CPNE2: variants seen among roughly 807,000 people sequenced by gnomAD.
CPNE2 encodes copine 2, also known as copine-2.
CPNE2 carries 42 observed loss-of-function variants against 69.7 expected under a neutral mutation model. The ratio of observed to expected loss-of-function variants is 0.60; its 90% CI spans 0.47 to 0.78. The LOEUF is 0.78. CPNE2 is among the 30% of genes least tolerant of loss of function. CPNE2 has a pLI of 0.00. For synonymous variants in CPNE2, 294 were observed against 289.8 expected, an observed-to-expected ratio of 1.01 and a Z score of -0.15; for missense variants, 587 against 732.0, an observed-to-expected ratio of 0.80 and a Z score of 2.29.
chr16:57,135,184 G>A (rs1380379860), intron 13 of CPNE2, among the ~76,000 whole-genome samples: 2 of 152,178 alleles, frequency 1.3e-5, no homozygotes, highest in African/African-American at 4.8e-5. Context: ...CCAGGAGGAG[G>A]TGAGGGTGGC....
chr16:57,145,349 A>C (rs1283825232), intron 14 of CPNE2, among the ~76,000 whole-genome samples: 1 of 152,224 alleles, frequency 6.6e-6, no homozygotes. Flanking sequence ...TGCAGTTCAT[A>C]GAATTGAAAG....
chr16:57,117,513 G>C lies in CPNE2; in HGVS notation c.453G>C (p.Leu151=), dbSNP rs765265835. The C allele has an allele frequency of 1.2e-6, 2 of 1,613,798 alleles. No individual in the cohort carries two copies. The highest frequency in any genetic ancestry group is 2.7e-5 in the African/African-American group (2 of 74,916). The change falls in exon 5 of 16, where the codon CTG becomes CTC. Residue 151 remains leucine (L), a synonymous_variant. Coordinates refer to ENST00000290776, the MANE Select transcript of CPNE2 (RefSeq NM_152727.6). ...KGLITIAAQE[L]SDNRVITLSL... ...CCTTACAGATCGCTGCCCAGGAGCT[G>C]TCCGACAACCGCGTCATCACACTAA...
rs759412271 is a variant in CPNE2, at chr16:57,146,253, C to T, written c.1471C>T (p.Arg491Cys). 8.3e-6 allele frequency: 13 copies of T among 1,557,806 alleles called. No homozygotes were observed. The highest frequency in any genetic ancestry group is 4.8e-5 in the East Asian group (2 of 41,486). ...EFLDGDSRML[R>C]SHTGEEAARD... Reference sequence around the variant, plus strand: ...CCTGGATGGGGACAGCCGCATGCTGCGCTCCCACACGGGGGAGGAGGCAGC... The same window carrying T: ...CCTGGATGGGGACAGCCGCATGCTGTGCTCCCACACGGGGGAGGAGGCAGC... The change falls in exon 15 of 16, where the codon CGC (arginine) becomes TGC (cysteine). Residue 491 changes from arginine (R) to cysteine (C), a missense_variant. Coordinates refer to ENST00000290776, the MANE Select transcript of CPNE2 (RefSeq NM_152727.6). This position sits in a 1 kb window ranked among gnomAD's most constrained non-coding sequence, Gnocchi z 4.4.
At chr16:57,141,291 G>A (rs1174265764) in intron 14 of CPNE2, 2 of 152,280 alleles carry the variant, frequency 1.3e-5, no homozygotes, top group Admixed American at 1.3e-4. Context: ...TCCCCAGAGG[G>A]AAGAAGCAGA....
chr16:57,127,983 G>C, intron 12 of CPNE2, 80 bp downstream of exon 12: 1 of 1,457,596 alleles, frequency 6.9e-7, no homozygotes, highest in Non-Finnish European at 9.6e-7. Context: ...GCTCTGGAAA[G>C]GTCTTGGGCT....
chr16:57,100,333 G>T (rs1023464168), intron 1 of CPNE2, among the ~76,000 whole-genome samples: 1 of 152,250 alleles, frequency 6.6e-6, no homozygotes, highest in Non-Finnish European at 1.5e-5. Flanking sequence ...CTGAAACTGT[G>T]TGTGGCAAAC....
chr16:57,121,678 A>C lies in CPNE2; in HGVS notation c.785A>C (p.Glu262Ala). 1 of 1,614,030 alleles carries C rather than the reference A, an allele frequency of 6.2e-7. No homozygotes were observed. The highest frequency in any genetic ancestry group is 1.6e-4 in the Middle Eastern group (1 of 6,062). ...TCTTTCTTTTGCGTTGCCCAGCTGG[A>C]GTTCGAGTGCATCAACCCCAAGAAG... is the stretch of plus-strand genomic sequence containing the variant. ...MCEARDSVPL[E>A]FECINPKKQR... Residue 262 changes from glutamate (E) to alanine (A), a missense_variant, in exon 9 of 16, where the codon GAG becomes GCG. By Grantham distance (107) the Glu-to-Ala change is moderately radical. Around this residue, in one of 5 missense-constraint regions of CPNE2, gnomAD observed 269 missense variants for 300.5 expected, o/e 0.90. Coordinates refer to ENST00000290776, the MANE Select transcript of CPNE2 (RefSeq NM_152727.6).
rs373362271 is a variant in CPNE2, at chr16:57,121,074, C to T, written c.682-19C>T. ...TCTTGGGGGACAGCTCTGGGGTGAC[C>T]GTGCTGAACCCACCCCAGGTCATGT... On this transcript the variant is annotated intron_variant, in intron 7 of 15. Transcript: ENST00000290776. 820 of 1,598,762 alleles carry T rather than the reference C, an allele frequency of 5.1e-4. No individual in the cohort carries two copies. The highest frequency in any genetic ancestry group is 6.6e-4 in the Non-Finnish European group (775 of 1,168,672).
intron 9 of CPNE2, among the ~76,000 whole-genome samples, chr16:57,122,808 G>A (rs1422955275): frequency 6.6e-6 from 1 of 151,868 alleles, no homozygotes; most frequent in Non-Finnish European, 1.5e-5. Flanking sequence ...GACCAGGCTG[G>A]TCTTGAACTC....
intron 10 of CPNE2, 182 bp downstream of exon 10, chr16:57,123,655 G>A (rs2069779435): frequency 1.6e-6 from 1 of 636,434 alleles, no homozygotes. Flanking sequence ...CCTGCTGGGT[G>A]TGCCTGAGTT....
In CPNE2 at chr16:57,125,890, A is replaced by G. The variant is rs990803257; in HGVS notation, c.958A>G (p.Asn320Asp). 1.2e-5 allele frequency: 19 copies of G among 1,614,036 alleles called. No homozygotes were observed. Among genetic ancestry groups the G allele is most frequent in the Admixed American group, 1.0e-4 (6 of 60,002 alleles). ...AATAGACTTTACAGCCTCCAACGGG[A>G]ATCCCCTCGACCCTTCCTCTTTGCA... ...VGIDFTASNG[N>D]PLDPSSLHYI... Residue 320 changes from asparagine (N) to aspartate (D), a missense_variant, in exon 11 of 16, where the codon AAT (asparagine) becomes GAT (aspartate). By Grantham distance (23) the Asn-to-Asp change is conservative. Transcript: ENST00000290776.
intron 1 of CPNE2, among the ~76,000 whole-genome samples, chr16:57,101,892 A>G (rs4784763): frequency 0.069 from 10,470 of 151,094 alleles, 620 homozygotes; most frequent in African/African-American, 0.14. Flanking sequence ...TACGGGCACC[A>G]CTCTAGGCCT....
At chr16:57,131,192 G>A (rs546083796) in intron 12 of CPNE2, among the ~76,000 whole-genome samples, 3 of 152,376 alleles carry the variant, frequency 2.0e-5, no homozygotes, top group Non-Finnish European at 2.9e-5. Flanking sequence ...CTCCCCATGA[G>A]AAGCCTGTGG....
At chr16:57,119,905 C>A (rs2069749122) in intron 7 of CPNE2, among the ~76,000 whole-genome samples, 1 of 152,212 alleles carries the variant, frequency 6.6e-6, no homozygotes. Flanking sequence ...TGCAGAGCTG[C>A]TAGCTAGGGA....
Position 57,121,137 on chromosome 16 carries a change from C to T in CPNE2, c.726C>T (p.Ile242=), listed in dbSNP as rs144170145. Residue 242 remains isoleucine (I), a synonymous_variant, in exon 8 of 16, where the codon ATC becomes ATT. Coordinates refer to ENST00000290776, the MANE Select transcript of CPNE2 (RefSeq NM_152727.6). ...DYDNDGGHDF[I]GEFQTSVSQM... Reference sequence around the variant, plus strand: ...ACAATGACGGGGGCCATGACTTCATCGGCGAGTTCCAGACCTCAGTGTCAC... The same window carrying T: ...ACAATGACGGGGGCCATGACTTCATTGGCGAGTTCCAGACCTCAGTGTCAC... The T allele has an allele frequency of 2.2e-5, 36 of 1,613,994 alleles. No homozygotes were observed. The highest frequency in any genetic ancestry group is 6.7e-5 in the African/African-American group (5 of 75,038).
chr16:57,123,344 G>A, intron 9 of CPNE2, 70 bp from the exon 10 acceptor site: 1 of 1,523,754 alleles, frequency 6.6e-7, no homozygotes, highest in Non-Finnish European at 9.1e-7. Flanking sequence ...GCAGGACATA[G>A]AGCAACAACT....
At chr16:57,122,464 A>T (rs115286895) in intron 9 of CPNE2, among the ~76,000 whole-genome samples, 2 of 152,210 alleles carry the variant, frequency 1.3e-5, no homozygotes, top group African/African-American at 4.8e-5. Context: ...AAAGGTCAAG[A>T]TGTCAGGTTG....
Position 57,115,508 on chromosome 16 carries a change from G to C in CPNE2, c.393G>C (p.Leu131=). Residue 131 remains leucine, a synonymous_variant, in exon 4 of 16, where the codon CTG becomes CTC. Transcript: ENST00000290776. ...CCAGCAAGAAGATCACTAGGCCTCTGCTGCTGCTGAATGACAAGCCTGCGG... is the reference window on the plus strand; with the variant it reads ...CCAGCAAGAAGATCACTAGGCCTCTCCTGCTGCTGAATGACAAGCCTGCGG... ...IVSSKKITRP[L]LLLNDKPAGK... is the part of the protein sequence containing the mutation. 6.2e-7 allele frequency: 1 copy of C among 1,611,808 alleles called. No homozygotes were observed. Among genetic ancestry groups the C allele is most frequent in the Non-Finnish European group, 8.5e-7 (1 of 1,178,700 alleles).
chr16:57,110,593 A>G (rs1174426467), intron 1 of CPNE2, 115 bp from the exon 2 acceptor site: 29 of 565,040 alleles, frequency 5.1e-5, no homozygotes, highest in Non-Finnish European at 7.7e-5. Flanking sequence ...ACCCGCCTCA[A>G]TTTGCCTTCC....
Sources: gnomAD v4.1 joint callset for allele counts (sites outside exome capture counted in the v4.1 genomes callset) on GRCh38, gnomAD v4.1.1 for gene constraint, gnomAD v4.1.1 regional missense constraint, Gnocchi (gnomAD v3.1) non-coding constraint, MANE v1.5 for transcripts, NCBI Gene and HGNC (gene_info 2026-07-23, HGNC 2026-07-21) for gene names.